The following ANK2 variants were observed in gnomAD, a reference collection of about 807,000 sequenced individuals.
ANK2 encodes ankyrin-2.
A neutral mutation model predicts 360.5 loss-of-function variants in ANK2; 83 were observed. The ratio of observed to expected loss-of-function variants is 0.23; its 90% CI spans 0.19 to 0.28. The LOEUF (loss-of-function observed/expected upper bound fraction) is 0.28. Ranked by LOEUF, ANK2 falls within the 10% of genes least tolerant of loss-of-function variation. The pLI is 1.00. For missense variants in ANK2, 4,201 were observed against 4,795.7 expected, an observed-to-expected ratio of 0.88 and a Z score of 3.66; for synonymous variants, 1,740 against 1,759.5, an observed-to-expected ratio of 0.99 and a Z score of 0.28.
intron 1 of ANK2, among the ~76,000 whole-genome samples, chr4:112,850,356 T>TCCATCCATCCAC (rs1176494692): frequency 3.3e-5 from 5 of 149,322 alleles, no homozygotes; most frequent in African/African-American, 1.2e-4. Context: ...CATCCATCCA[T>TCCATCCATCCAC]CCACCCATTC....
At chr4:113,254,800 T>C (rs1249733710) in intron 10 of ANK2, among the ~76,000 whole-genome samples, 2 of 152,224 alleles carry the variant, frequency 1.3e-5, no homozygotes, top group African/African-American at 4.8e-5. Flanking sequence ...TTCTGCTTTG[T>C]TGAATGTAAT....
At chr4:112,723,436 G>A in the ANK2 span, among the ~76,000 whole-genome samples, 21,300 of 151,742 alleles carry the variant, frequency 0.14, 2,241 homozygotes, top group East Asian at 0.49. Flanking sequence ...CGATCTCGGC[G>A]CACTGCAACC....
chr4:113,080,822 G>A (rs868667224), intron 1 of ANK2, among the ~76,000 whole-genome samples: 19 of 152,052 alleles, frequency 1.2e-4, no homozygotes, highest in African/African-American at 3.4e-4. Flanking sequence ...AAAATCAATC[G>A]GAGTTGTGAA....
chr4:113,155,115 G>A (rs1562470343), intron 1 of ANK2, among the ~76,000 whole-genome samples: 2 of 152,058 alleles, frequency 1.3e-5, no homozygotes, highest in Non-Finnish European at 2.9e-5. Context: ...CATTTATTGA[G>A]CCCCTATTAT....
Position 113,258,140 on chromosome 4 carries a change from A to G in ANK2, c.1279A>G (p.Ile427Val), listed in dbSNP as rs750168379. The change falls in exon 12 of 46, where the codon ATA becomes GTA. Residue 427 changes from isoleucine to valine, a missense_variant. By Grantham distance (29) the Ile-to-Val change is conservative. Coordinates refer to ENST00000357077, the MANE Select transcript of ANK2 (RefSeq NM_001148.6). ...GAAATATGGGGCTTCAATCCAAGCT[A>G]TAACAGAGGTAGAAAAATGTTTTAG... ...LVKYGASIQAITESGLTPIHV... is the reference protein window; with the variant it reads ...LVKYGASIQAVTESGLTPIHV... 8 of 1,613,138 alleles carry G rather than the reference A, an allele frequency of 5.0e-6. No individual in the cohort carries two copies. Among genetic ancestry groups the G allele is most frequent in the African/African-American group, 1.3e-5 (1 of 74,916 alleles).
chr4:113,241,626 C>G (rs533475158), intron 8 of ANK2, among the ~76,000 whole-genome samples: 18 of 152,308 alleles, frequency 1.2e-4, no homozygotes, highest in African/African-American at 4.3e-4. Flanking sequence ...AGACATGAGC[C>G]ACCATGCCCA....
intron 1 of ANK2, among the ~76,000 whole-genome samples, chr4:113,170,772 G>C (rs1040830634): frequency 6.6e-6 from 1 of 152,114 alleles, no homozygotes; most frequent in African/African-American, 2.4e-5. Context: ...TCAGATACAA[G>C]ACAACATACA....
intron 2 of ANK2, among the ~76,000 whole-genome samples, chr4:113,011,394 A>G (rs1042043613): frequency 6.6e-6 from 1 of 152,034 alleles, no homozygotes; most frequent in African/African-American, 2.4e-5. Context: ...TTAACAGGAG[A>G]AAAGCATACA....
At chr4:112,808,793 G>C in the ANK2 span, among the ~76,000 whole-genome samples, 1 of 152,186 alleles carries the variant, frequency 6.6e-6, no homozygotes, top group African/African-American at 2.4e-5. Context: ...TTCAGAGATA[G>C]ACTCTGATAT....
rs2154053612 is a variant in ANK2, at chr4:113,365,171, A to G, written c.11021A>G (p.Asp3674Gly). The G allele has an allele frequency of 6.2e-7, 1 of 1,611,806 alleles. No individual in the cohort carries two copies. Among genetic ancestry groups the G allele is most frequent in the South Asian group, 1.1e-5 (1 of 90,928 alleles). ...YAEIEQTITL[D>G]HSEGFSVLQE... ...GAAATTGAACAGACCATTACACTGG[A>G]TCATAGTGAAGGTCAAACTGTGTGT... Residue 3674 changes from aspartate to glycine, a missense_variant, in exon 41 of 46, where the codon GAT becomes GGT. Around this residue, in one of 4 missense-constraint regions of ANK2, gnomAD observed 2,642 missense variants for 2,714.5 expected, o/e 0.97. Transcript: ENST00000357077.
chr4:113,090,030 G>A (rs369708603), intron 1 of ANK2, among the ~76,000 whole-genome samples: 22 of 152,182 alleles, frequency 1.4e-4, no homozygotes, highest in African/African-American at 4.8e-4. Flanking sequence ...GAATGGAATC[G>A]GTTTTCCATT....
intron 38 of ANK2, 113 bp downstream of exon 38, chr4:113,359,412 G>T: frequency 7.3e-7 from 1 of 1,370,280 alleles, no homozygotes; most frequent in Non-Finnish European, 1.0e-6. Context: ...TAAGCTTTCT[G>T]TAGTGGCTAA....
intron 2 of ANK2, among the ~76,000 whole-genome samples, chr4:112,959,867 A>T (rs138226015): frequency 3.3e-5 from 5 of 152,094 alleles, no homozygotes; most frequent in African/African-American, 1.2e-4. Flanking sequence ...AATTTGAGAA[A>T]CTCCCTTCTT....
At chr4:113,292,914 T>C (rs2068581562) in intron 21 of ANK2, 1 of 358,064 alleles carries the variant, frequency 2.8e-6, no homozygotes, top group South Asian at 2.3e-5. Flanking sequence ...AACTAAGCGG[T>C]GCAATTAAAC....
intron 2 of ANK2, among the ~76,000 whole-genome samples, chr4:113,187,943 TC>T (rs1257451787): frequency 1.3e-5 from 2 of 152,210 alleles, no homozygotes; most frequent in African/African-American, 4.8e-5. Context: ...GCCTATTACA[TC>T]CTCATCACTG....
intron 1 of ANK2, among the ~76,000 whole-genome samples, chr4:112,857,392 A>AC (rs2066701021): frequency 6.6e-6 from 1 of 152,186 alleles, no homozygotes; most frequent in Non-Finnish European, 1.5e-5. Flanking sequence ...CTTCAGAGTC[A>AC]CCATAAACAT....
intron 2 of ANK2, among the ~76,000 whole-genome samples, chr4:113,176,890 T>A (rs1025716091): frequency 1.3e-5 from 2 of 152,164 alleles, no homozygotes; most frequent in African/African-American, 4.8e-5. Context: ...GTTTGGTTTT[T>A]TGTCCTTGAG....
intron 22 of ANK2, among the ~76,000 whole-genome samples, chr4:113,299,342 T>G (rs1015171911): frequency 6.6e-6 from 1 of 152,238 alleles, no homozygotes; most frequent in Non-Finnish European, 1.5e-5. Context: ...AAAACATTTC[T>G]GCAAAAATTA....
chr4:113,028,697 T>C (rs1335175425), intron 2 of ANK2, among the ~76,000 whole-genome samples: 2 of 152,184 alleles, frequency 1.3e-5, no homozygotes, highest in Non-Finnish European at 2.9e-5. Context: ...GACCTTGTCC[T>C]ACTAAGATAA....
Sources: gnomAD v4.1 joint callset for allele counts (sites outside exome capture counted in the v4.1 genomes callset) on GRCh38, gnomAD v4.1.1 for gene constraint, gnomAD v4.1.1 regional missense constraint, MANE v1.5 for transcripts, NCBI Gene and HGNC (gene_info 2026-07-23, HGNC 2026-07-21) for gene names.